DDAH1: variants seen among roughly 807,000 people sequenced by gnomAD.
DDAH1 encodes N(G),N(G)-dimethylarginine dimethylaminohydrolase 1.
In DDAH1, 19 loss-of-function variants were observed where a neutral mutation model predicts 28.8. The ratio of observed to expected loss-of-function variants is 0.66; its 90% CI spans 0.46 to 0.97. The LOEUF (loss-of-function observed/expected upper bound fraction) is 0.97. DDAH1 is among the 50% of genes least tolerant of loss of function. The pLI, the probability that DDAH1 is intolerant of heterozygous loss-of-function variation, is 0.00. For missense variants in DDAH1, 326 were observed against 375.9 expected, an observed-to-expected ratio of 0.87 and a Z score of 1.10; for synonymous variants, 153 against 154.4, an observed-to-expected ratio of 0.99 and a Z score of 0.07.
upstream of DDAH1, among the ~76,000 whole-genome samples, chr1:85,466,911 C>A (rs1437403322): frequency 8.0e-6 from 1 of 125,470 alleles, no homozygotes; most frequent in Non-Finnish European, 1.6e-5. Flanking sequence ...GATCTCAGCT[C>A]ACTGCAACCT....
chr1:85,502,192 G>A (rs1343803640), intron 1 of DDAH1, among the ~76,000 whole-genome samples: 2 of 152,066 alleles, frequency 1.3e-5, no homozygotes, highest in African/African-American at 4.8e-5. Context: ...TTGAAGACAC[G>A]GACAATGTCT....
At chr1:85,565,040 C>CAA (rs560705676) in intron 1 of DDAH1, among the ~76,000 whole-genome samples, 1 of 144,734 alleles carries the variant, frequency 6.9e-6, no homozygotes, top group South Asian at 2.2e-4. Flanking sequence ...ACTGAAAATA[C>CAA]AAAAAAAAAA....
chr1:85,377,812 C>A (rs1364579989), intron 1 of DDAH1, among the ~76,000 whole-genome samples: 3 of 148,102 alleles, frequency 2.0e-5, no homozygotes, highest in Non-Finnish European at 3.0e-5. Context: ...AAATTGATAA[C>A]CTCTCTTCTT....
chr1:85,391,406 G>A (rs1651542005), intron 1 of DDAH1, among the ~76,000 whole-genome samples: 1 of 152,158 alleles, frequency 6.6e-6, no homozygotes, highest in Non-Finnish European at 1.5e-5. Flanking sequence ...GTTTGAGGCT[G>A]CAGTGAGTTA....
chr1:85,418,147 G>C (rs1304725286), intron 1 of DDAH1, among the ~76,000 whole-genome samples: 1 of 152,190 alleles, frequency 6.6e-6, no homozygotes, highest in Non-Finnish European at 1.5e-5. Flanking sequence ...TGCTGCTGCT[G>C]CAGGCAGATA....
At chr1:85,530,445 T>TGG (rs1339632477) in intron 1 of DDAH1, among the ~76,000 whole-genome samples, 1 of 151,814 alleles carries the variant, frequency 6.6e-6, no homozygotes, top group East Asian at 2.0e-4. Flanking sequence ...TGTTACAGGT[T>TGG]GAAATGTGCT....
intron 4 of DDAH1, among the ~76,000 whole-genome samples, chr1:85,347,719 C>G (rs984508048): frequency 1.3e-5 from 2 of 152,084 alleles, no homozygotes; most frequent in Admixed American, 1.3e-4. Flanking sequence ...ACATATATAA[C>G]AAACCTGCAT....
At chr1:85,513,857 A>G (rs1280588795) in intron 1 of DDAH1, among the ~76,000 whole-genome samples, 1 of 152,198 alleles carries the variant, frequency 6.6e-6, no homozygotes, top group Non-Finnish European at 1.5e-5. Flanking sequence ...GAAACAACAG[A>G]TGCTGGAGAG....
chr1:85,518,806 A>G (rs1657564325), intron 1 of DDAH1, among the ~76,000 whole-genome samples: 4 of 152,140 alleles, frequency 2.6e-5, no homozygotes, highest in Admixed American at 2.0e-4. Context: ...TCTATCTGCC[A>G]CTCCTCTCTA....
rs140585731 is a variant in DDAH1, at chr1:85,573,122, T to G, written c.-123+4862A>C. ...ATGTGCCAGGCATCAGGCTGAGCAG[T>G]AAATATGTCTTATGTCTTCTTTCAC... On this transcript the variant is annotated intron_variant, in intron 1 of 6. Transcript: ENST00000426972. Among the ~76,000 whole-genome samples, 223 of 152,352 alleles carry G rather than the reference T, an allele frequency of 1.5e-3. 2 individuals are homozygous for G. The highest frequency in any genetic ancestry group is 3.9e-3 in the Admixed American group (59 of 15,310).
At chr1:85,444,969 C>T (rs1162510707) in intron 1 of DDAH1, among the ~76,000 whole-genome samples, 1 of 152,126 alleles carries the variant, frequency 6.6e-6, no homozygotes, top group Non-Finnish European at 1.5e-5. Flanking sequence ...GTCCAAGTTC[C>T]AAAACTGAAG....
chr1:85,337,782 C>T (rs1201561650), intron 4 of DDAH1, among the ~76,000 whole-genome samples: 2 of 152,142 alleles, frequency 1.3e-5, no homozygotes, highest in African/African-American at 4.8e-5. Context: ...GTCCCCTTTC[C>T]TCCATAGTCT....
intron 1 of DDAH1, among the ~76,000 whole-genome samples, chr1:85,558,446 T>C (rs1337666172): frequency 1.3e-5 from 2 of 152,208 alleles, no homozygotes; most frequent in Non-Finnish European, 1.5e-5. Flanking sequence ...TTATACAACT[T>C]TTGCAAGTTC....
At chr1:85,377,163 CCA>C (rs1557547480) in intron 1 of DDAH1, among the ~76,000 whole-genome samples, 1 of 152,098 alleles carries the variant, frequency 6.6e-6, no homozygotes, top group African/African-American at 2.4e-5. Flanking sequence ...CTCTCCCCTG[CCA>C]CAGAGGCAGA....
chr1:85,499,790 T>C (rs545824506), intron 1 of DDAH1, among the ~76,000 whole-genome samples: 211 of 152,332 alleles, frequency 1.4e-3, no homozygotes, highest in Non-Finnish European at 2.2e-3. Flanking sequence ...TCCCAGACTA[T>C]TGCAATGTCT....
intron 1 of DDAH1, among the ~76,000 whole-genome samples, chr1:85,499,255 A>G (rs956180268): frequency 2.0e-5 from 3 of 152,220 alleles, no homozygotes; most frequent in African/African-American, 7.2e-5. Context: ...CTGTCTTTTT[A>G]CTATACCACA....
At chr1:85,456,437 T>C (rs1654884268) in intron 1 of DDAH1, among the ~76,000 whole-genome samples, 1 of 152,260 alleles carries the variant, frequency 6.6e-6, no homozygotes, top group South Asian at 2.1e-4. Flanking sequence ...AAAAGTGATA[T>C]GAATTCAGTA....
At chr1:85,566,607 T>A (rs191024636) in intron 1 of DDAH1, among the ~76,000 whole-genome samples, 1 of 151,418 alleles carries the variant, frequency 6.6e-6, no homozygotes, top group African/African-American at 2.4e-5. Context: ...CACAAGTAGG[T>A]TAAAAGCAAA....
In DDAH1 at chr1:85,416,235, T is replaced by C. The variant is rs116200189; in HGVS notation, c.303+48508A>G. On this transcript the variant is annotated intron_variant, in intron 1 of 5. Coordinates refer to ENST00000284031, the MANE Select transcript of DDAH1 (RefSeq NM_012137.4). ...TGTGATTTTGGTTTCCTTCTATATA[T>C]AGTATTTGGTTTTTGTTTTTTTGGG... Among the ~76,000 whole-genome samples, 1,074 of 151,428 alleles carry C rather than the reference T, an allele frequency of 7.1e-3. 12 individuals carry two copies. The highest frequency in any genetic ancestry group is 0.025 in the African/African-American group (1,023 of 40,892).
Sources: allele counts gnomAD v4.1 joint callset (sites outside exome capture counted in the v4.1 genomes callset), GRCh38; gene constraint gnomAD v4.1.1; transcripts MANE v1.5; gene names NCBI Gene and HGNC (gene_info 2026-07-23, HGNC 2026-07-21).